The following ATP9A variants were observed in gnomAD, a reference collection of about 807,000 sequenced individuals.
ATP9A encodes the protein probable phospholipid-transporting ATPase IIA.
Under a neutral mutation model 144.1 loss-of-function variants are expected in ATP9A, and 52 were observed. The ratio of observed to expected loss-of-function variants is 0.36; its 90% CI spans 0.29 to 0.45. ATP9A has a LOEUF of 0.45. Among genes scored for constraint, ATP9A ranks in the 20% least tolerant of loss-of-function variants. The pLI is 1.00. For synonymous variants in ATP9A, 582 were observed against 557.4 expected (o/e 1.04, Z -0.62); for missense variants, 947 against 1,392.7 (o/e 0.68, Z 5.09).
At chr20:51,699,333 CAAAAA>C (rs74175569) in intron 4 of ATP9A, among the ~76,000 whole-genome samples, 1 of 70,460 alleles carries the variant, frequency 1.4e-5, no homozygotes, top group Non-Finnish European at 2.7e-5. Context: ...AACTCAATCT[CAAAAA>C]AAAAAAAAAA....
Position 51,670,161 on chromosome 20 carries a change from T to C in ATP9A, c.1181-52A>G, listed in dbSNP as rs140290526. The C allele has an allele frequency of 1.6e-4, 227 of 1,386,962 alleles. 1 individual carries two copies. The African/African-American group carries it at 2.8e-3, about 17-fold the overall frequency. The allele number at this position is 1,386,962 out of a possible 1,614,324, so 85.9% of individuals were successfully genotyped here. A position where few individuals can be genotyped will look rare whatever the true frequency, so the allele number is the denominator to read the frequency against. ...GGCCTGTCTCTCAGGATGTTTGTTATTATTAACAGTAATGACAGCTGCCAT... is the reference window on the plus strand; with the variant it reads ...GGCCTGTCTCTCAGGATGTTTGTTACTATTAACAGTAATGACAGCTGCCAT... On this transcript the variant is annotated intron_variant, in intron 12 of 27. Transcript: ENST00000338821.
intron 15 of ATP9A, among the ~76,000 whole-genome samples, chr20:51,637,232 T>C (rs915309908): frequency 7.0e-6 from 1 of 143,602 alleles, no homozygotes; most frequent in African/African-American, 2.6e-5. Context: ...AGAAGAGTGG[T>C]GCAAAGATAG....
At chr20:51,705,009 C>CCAT (rs899553350) in intron 4 of ATP9A, among the ~76,000 whole-genome samples, 3 of 152,248 alleles carry the variant, frequency 2.0e-5, no homozygotes, top group African/African-American at 7.2e-5. Context: ...AAAAGTCTAT[C>CCAT]CATACCATTC....
chr20:51,680,236 A>C (rs1428505152), intron 9 of ATP9A, among the ~76,000 whole-genome samples: 1 of 151,720 alleles, frequency 6.6e-6, no homozygotes, highest in Non-Finnish European at 1.5e-5. Flanking sequence ...AAAAAAAAAA[A>C]AAAAAAAAAA....
rs185058981 is a variant in ATP9A at position 51,695,320 on chromosome 20, T to C, written c.547+773A>G. On this transcript the variant is annotated intron_variant, in intron 6 of 27. Coordinates refer to ENST00000338821, the MANE Select transcript of ATP9A (RefSeq NM_006045.3). The stretch of plus-strand genomic sequence containing the variant: ...CAACACGGTGAAACCCCGTCTCTAC[T>C]AAAAATACAAAAATTAGCCGGGCAT... Among the ~76,000 whole-genome samples, 8 of 151,778 alleles carry C rather than the reference T, an allele frequency of 5.3e-5. No homozygotes were observed. The South Asian group carries it at 1.5e-3, about 28-fold the overall frequency.
intron 1 of ATP9A, among the ~76,000 whole-genome samples, chr20:51,731,901 G>A (rs1002503469): frequency 5.3e-5 from 8 of 152,172 alleles, no homozygotes; most frequent in South Asian, 4.2e-4. Flanking sequence ...AAGGGGGAGC[G>A]GGGGAATCTC....
At chr20:51,678,687 T>C (rs1386207384) in intron 9 of ATP9A, among the ~76,000 whole-genome samples, 1 of 152,180 alleles carries the variant, frequency 6.6e-6, no homozygotes, top group Non-Finnish European at 1.5e-5. Flanking sequence ...ACACGACCGC[T>C]GCATCCACTC....
chr20:51,679,090 G>A (rs1301739887), intron 9 of ATP9A, among the ~76,000 whole-genome samples: 2 of 152,088 alleles, frequency 1.3e-5, no homozygotes, highest in African/African-American at 2.4e-5. Context: ...TTGGGAGGCC[G>A]AGACAGGCAG....
At chr20:51,738,799 G>T (rs891369264) in intron 1 of ATP9A, among the ~76,000 whole-genome samples, 1 of 151,214 alleles carries the variant, frequency 6.6e-6, no homozygotes, top group Non-Finnish European at 1.5e-5. Context: ...ATGCTGGAGG[G>T]AGGCTGGGCG....
rs1453176987 is a variant in ATP9A at position 51,651,281 on chromosome 20, TAA to T, written c.1506+5655_1506+5656del. On this transcript the variant is annotated intron_variant, in intron 14 of 27. Coordinates refer to ENST00000338821, the MANE Select transcript of ATP9A (RefSeq NM_006045.3). ...ATATATTATATAATATATATTTACA[TAA>T]TATATTATATAATATATATTTACAT... is the stretch of plus-strand genomic sequence containing the variant. Among the ~76,000 whole-genome samples the T allele has an allele frequency of 6.6e-3, 880 of 133,306 alleles. 61 individuals are homozygous for T. The highest frequency in any genetic ancestry group is 7.9e-3 in the Non-Finnish European group (506 of 64,164). 87.5% of individuals were successfully genotyped at this position (133,306 alleles called of 152,430 possible). A position where few individuals can be genotyped will look rare whatever the true frequency, so the allele number is the denominator to read the frequency against.
chr20:51,707,426 C>A lies in ATP9A; in HGVS notation c.436+5540G>T, dbSNP rs373399631. On this transcript the variant is annotated intron_variant, in intron 4 of 27. Transcript: ENST00000338821. ...CACTTAAGAAATGCCTGCTTCAATA[C>A]CATCCACACTGGCCTCTCTCCACCA... 1.1e-4 allele frequency among the ~76,000 whole-genome samples: 16 copies of A among 152,250 alleles called. 2 individuals carry two copies. The highest frequency in any genetic ancestry group is 2.0e-4 in the Admixed American group (3 of 15,294).
intron 3 of ATP9A, among the ~76,000 whole-genome samples, chr20:51,716,490 G>GAA (rs11472238): frequency 0.036 from 4,987 of 137,762 alleles, 223 homozygotes; most frequent in African/African-American, 0.1. Context: ...ACCTGAAACA[G>GAA]AAAAAAAAAA....
chr20:51,697,267 C>G (rs201277004), intron 5 of ATP9A, among the ~76,000 whole-genome samples, 157 bp downstream of exon 5: 20 of 127,648 alleles, frequency 1.6e-4, no homozygotes, highest in East Asian at 2.8e-4. Flanking sequence ...GTGTGTGTGT[C>G]TGTCTGTCTG....
intron 3 of ATP9A, among the ~76,000 whole-genome samples, chr20:51,725,565 C>A (rs6096546): frequency 6.6e-6 from 1 of 152,314 alleles, no homozygotes; most frequent in African/African-American, 2.4e-5. Flanking sequence ...ACAATAAATC[C>A]TTGTTGAGAT....
intron 1 of ATP9A, among the ~76,000 whole-genome samples, chr20:51,750,745 G>A (rs1333325486): frequency 2.6e-5 from 4 of 152,138 alleles, no homozygotes; most frequent in African/African-American, 4.8e-5. Flanking sequence ...GGCTGACCCC[G>A]GAGCCAGCCC....
chr20:51,671,241 C>T lies in ATP9A; in HGVS notation c.1054G>A (p.Asp352Asn). ...CAGCTGTACACGATCTTGCCCATGT[C>T]CAGGTTCACACGCAAACTAGGCACA... ...IIPISLRVNLDMGKIVYSWVI... is the reference protein window; with the variant it reads ...IIPISLRVNLNMGKIVYSWVI... The change falls in exon 12 of 28, where the codon GAC (aspartate) becomes AAC (asparagine). Residue 352 changes from aspartate to asparagine, a missense_variant. Physicochemically the swap from Asp to Asn is conservative, Grantham distance 23. Coordinates refer to ENST00000338821, the MANE Select transcript of ATP9A (RefSeq NM_006045.3). 1 of 1,613,700 alleles carries T rather than the reference C, an allele frequency of 6.2e-7. No homozygotes were observed. Among genetic ancestry groups the T allele is most frequent in the Non-Finnish European group, 8.5e-7 (1 of 1,179,672 alleles).
At chr20:51,741,815 CTG>C in intron 1 of ATP9A, among the ~76,000 whole-genome samples, 4 of 152,276 alleles carry the variant, frequency 2.6e-5, no homozygotes, top group Admixed American at 2.6e-4. Context: ...TCTGGAAACA[CTG>C]TTGTCTGTCA....
intron 27 of ATP9A, among the ~76,000 whole-genome samples, chr20:51,603,527 A>G (rs982502464): frequency 1.3e-5 from 2 of 152,144 alleles, no homozygotes; most frequent in East Asian, 1.9e-4. Context: ...GCATGGGGTC[A>G]TCTTGGTGGC....
At chr20:51,702,357 TGTGTGTTC>T (rs2077597354) in intron 4 of ATP9A, among the ~76,000 whole-genome samples, 1 of 127,788 alleles carries the variant, frequency 7.8e-6, no homozygotes, top group African/African-American at 3.2e-5. Flanking sequence ...CTTCATGGTG[TGTGTGTTC>T]GTGTGTGTGT....
Sources: gnomAD v4.1 joint callset for allele counts (sites outside exome capture counted in the v4.1 genomes callset) on GRCh38, gnomAD v4.1.1 for gene constraint, MANE v1.5 for transcripts, NCBI Gene and HGNC (gene_info 2026-07-23, HGNC 2026-07-21) for gene names.